The following KIAA1217 variants were observed in gnomAD, a reference collection of about 807,000 sequenced individuals.
KIAA1217 encodes KIAA1217.
A neutral mutation model predicts 163.9 loss-of-function variants in KIAA1217; 88 were observed. The observed-to-expected ratio is 0.54, with a 90% CI of 0.45 to 0.64. The LOEUF (loss-of-function observed/expected upper bound fraction) is 0.64. KIAA1217 is among the 30% of genes least tolerant of loss of function. KIAA1217 has a pLI of 0.00. For missense variants in KIAA1217, 2,372 were observed against 2,475.0 expected, an observed-to-expected ratio of 0.96 and a Z score of 0.88; for synonymous variants, 903 against 923.1, an observed-to-expected ratio of 0.98 and a Z score of 0.39.
chr10:24,039,841 T>C (rs1168522567), intron 2 of KIAA1217, among the ~76,000 whole-genome samples: 3 of 127,404 alleles, frequency 2.4e-5, no homozygotes, highest in Non-Finnish European at 5.4e-5. Context: ...GATATAGATA[T>C]AGATATAATC....
At chr10:23,694,929 C>G (rs1004551754) in exon 1 of KIAA1217, 11 of 152,436 alleles carry the variant, frequency 7.2e-5, no homozygotes, top group African/African-American at 2.6e-4. Context: ...GCAGTCCTGG[C>G]ATGCCCTGAA....
chr10:23,917,277 C>A (rs1339190591), intron 1 of KIAA1217, among the ~76,000 whole-genome samples: 1 of 152,120 alleles, frequency 6.6e-6, no homozygotes, highest in Non-Finnish European at 1.5e-5. Flanking sequence ...TGCTGAATTG[C>A]AATTTCCAAA....
At chr10:24,158,410 C>G (rs1362226685) in intron 2 of KIAA1217, 7 of 595,048 alleles carry the variant, frequency 1.2e-5, no homozygotes, top group African/African-American at 5.5e-5. Flanking sequence ...ACAATTTGCA[C>G]AGTATGGGAA....
chr10:24,357,793 AATAACGC>A (rs2049311854), intron 2 of KIAA1217, among the ~76,000 whole-genome samples: 1 of 152,218 alleles, frequency 6.6e-6, no homozygotes, highest in Admixed American at 6.5e-5. Context: ...ACCAAGAAGC[AATAACGC>A]ATAGGGGAGT....
intron 2 of KIAA1217, among the ~76,000 whole-genome samples, chr10:24,103,287 A>G (rs976998095): frequency 6.6e-6 from 1 of 152,242 alleles, no homozygotes; most frequent in African/African-American, 2.4e-5. Context: ...ATATAAATGC[A>G]AAACAATAAA....
intron 2 of KIAA1217, 105 bp downstream of exon 2, chr10:24,220,014 TG>T (rs2069361023): frequency 1.7e-6 from 2 of 1,184,432 alleles, no homozygotes; most frequent in African/African-American, 1.5e-5. Context: ...CTTAGTGGAC[TG>T]TGCATACTAT....
At chr10:23,994,961 A>G (rs1846400396) in intron 1 of KIAA1217, among the ~76,000 whole-genome samples, 1 of 152,188 alleles carries the variant, frequency 6.6e-6, no homozygotes, top group African/African-American at 2.4e-5. Flanking sequence ...ATTTACAATT[A>G]TGTAATACCC....
chr10:24,251,998 A>ACC (rs2074607649), intron 2 of KIAA1217, among the ~76,000 whole-genome samples: 2 of 152,090 alleles, frequency 1.3e-5, no homozygotes, highest in Non-Finnish European at 2.9e-5. Context: ...TCGTAGCAGG[A>ACC]ATAAGGGAGA....
chr10:24,295,532 C>G (rs974733479), intron 2 of KIAA1217, among the ~76,000 whole-genome samples: 1 of 152,286 alleles, frequency 6.6e-6, no homozygotes, highest in Middle Eastern at 3.4e-3. Flanking sequence ...TCTCCCACTG[C>G]TCTGAGGACA....
At chr10:23,991,695 A>G (rs150662572) in intron 1 of KIAA1217, among the ~76,000 whole-genome samples, 1 of 152,344 alleles carries the variant, frequency 6.6e-6, no homozygotes, top group East Asian at 1.9e-4. Flanking sequence ...ATATATCAGT[A>G]TATCACAACC....
chr10:24,455,449 G>A (rs989184605), intron 5 of KIAA1217, among the ~76,000 whole-genome samples: 3 of 152,108 alleles, frequency 2.0e-5, no homozygotes, highest in East Asian at 1.9e-4. Context: ...TTAATTTTGC[G>A]CATTATTACA....
chr10:24,097,123 A>G (rs2062195778), intron 2 of KIAA1217, among the ~76,000 whole-genome samples: 1 of 152,226 alleles, frequency 6.6e-6, no homozygotes, highest in Non-Finnish European at 1.5e-5. Flanking sequence ...GAAACCAACA[A>G]CACTATTATA....
intron 2 of KIAA1217, among the ~76,000 whole-genome samples, chr10:24,066,598 G>A (rs1489971844): frequency 6.6e-6 from 1 of 152,026 alleles, no homozygotes; most frequent in Non-Finnish European, 1.5e-5. Flanking sequence ...TTTCAGTTTT[G>A]GTGAATCTGA....
chr10:23,783,255 C>G (rs1360306880), intron 1 of KIAA1217, among the ~76,000 whole-genome samples: 2 of 152,170 alleles, frequency 1.3e-5, no homozygotes, highest in Non-Finnish European at 2.9e-5. Context: ...CGTTGGGCCA[C>G]ATTTAAAGCT....
chr10:24,473,807 C>G lies in KIAA1217; in HGVS notation c.1426C>G (p.His476Asp). 1 of 1,614,070 alleles carries G rather than the reference C, an allele frequency of 6.2e-7. No homozygotes were observed. Among genetic ancestry groups the G allele is most frequent in the East Asian group, 2.2e-5 (1 of 44,876 alleles). ...LGSKTPPASP[H>D]RVSDLRMIDM... ...CTCCAAAACACCCCCTGCCTCTCCT[C>G]ACAGAGTCAGTGACCTGAGGATGAT... Residue 476 changes from histidine (H) to aspartate (D), a missense_variant, in exon 6 of 21, where the codon CAC becomes GAC. Coordinates refer to ENST00000376454, the MANE Select transcript of KIAA1217 (RefSeq NM_019590.5).
intron 3 of KIAA1217, among the ~76,000 whole-genome samples, chr10:24,385,616 G>A (rs1317237291): frequency 3.3e-5 from 5 of 152,142 alleles, no homozygotes; most frequent in Non-Finnish European, 5.9e-5. Flanking sequence ...TTATCCCAAC[G>A]CCAGGTTCCA....
intron 3 of KIAA1217, among the ~76,000 whole-genome samples, chr10:24,388,394 A>G (rs1404433057): frequency 2.0e-5 from 3 of 152,226 alleles, no homozygotes; most frequent in East Asian, 1.9e-4. Flanking sequence ...CTTACAGCTT[A>G]TACAAAAATT....
At chr10:24,360,551 C>T (rs1210335202) in intron 2 of KIAA1217, among the ~76,000 whole-genome samples, 5 of 152,122 alleles carry the variant, frequency 3.3e-5, no homozygotes, top group African/African-American at 9.7e-5. Flanking sequence ...ACATTCAGCC[C>T]GAGTTTGAAC....
chr10:23,861,595 G>A (rs959227824), intron 1 of KIAA1217, among the ~76,000 whole-genome samples: 1 of 152,154 alleles, frequency 6.6e-6, no homozygotes, highest in Non-Finnish European at 1.5e-5. Context: ...TTAGAGAGAT[G>A]TGGCAGAAAA....
Sources: gnomAD v4.1 joint callset for allele counts (sites outside exome capture counted in the v4.1 genomes callset) on GRCh38, gnomAD v4.1.1 for gene constraint, MANE v1.5 for transcripts, NCBI Gene and HGNC (gene_info 2026-07-23, HGNC 2026-07-21) for gene names.